The following GLI2 variants were observed in gnomAD, a reference collection of about 807,000 sequenced individuals.
The protein encoded by GLI2 is transcription activator GLI2.
Under a neutral mutation model 78.9 loss-of-function variants are expected in GLI2, and 22 were observed. The ratio of observed to expected loss-of-function variants is 0.28; its 90% confidence interval spans 0.20 to 0.40. The LOEUF is 0.40. Ranked by LOEUF, GLI2 falls within the 10% of genes least tolerant of loss-of-function variation. The probability of loss-of-function intolerance (pLI) is 1.00; values close to 1 mark genes in which losing one functional copy is unlikely to be tolerated. For missense variants in GLI2, 2,097 were observed against 2,213.2 expected (o/e 0.95, Z 1.05); for synonymous variants, 974 against 963.7 (o/e 1.01, Z -0.20).
chr2:120,842,717 G>A (rs1686945756), intron 2 of GLI2, among the ~76,000 whole-genome samples: 2 of 152,168 alleles, frequency 1.3e-5, no homozygotes, highest in African/African-American at 4.8e-5. Flanking sequence ...ATAGTTACAA[G>A]AATTTTCCTA....
At chr2:120,926,291 C>T (rs1256306894) in intron 2 of GLI2, among the ~76,000 whole-genome samples, 1 of 151,990 alleles carries the variant, frequency 6.6e-6, no homozygotes, top group African/African-American at 2.4e-5. Context: ...AATCCCAGCA[C>T]TTTGGGAGGC....
chr2:120,933,722 G>A (rs199869560), intron 3 of GLI2, among the ~76,000 whole-genome samples: 7 of 152,272 alleles, frequency 4.6e-5, no homozygotes, highest in East Asian at 3.9e-4. Flanking sequence ...GCATGAGTCC[G>A]GCCTGCCCTG....
At chr2:120,870,422 G>T (rs895993837) in intron 2 of GLI2, among the ~76,000 whole-genome samples, 1 of 152,330 alleles carries the variant, frequency 6.6e-6, no homozygotes, top group Admixed American at 6.5e-5. Flanking sequence ...GTGAGAAGCT[G>T]TAGAGATCTT....
intron 2 of GLI2, among the ~76,000 whole-genome samples, chr2:120,918,370 C>T (rs1679198768): frequency 6.6e-6 from 1 of 151,914 alleles, no homozygotes; most frequent in African/African-American, 2.4e-5. Flanking sequence ...CTTGTCACAT[C>T]TGCTCAGAGA....
intron 2 of GLI2, among the ~76,000 whole-genome samples, chr2:120,826,596 G>A (rs892661119): frequency 2.0e-5 from 3 of 152,184 alleles, no homozygotes; most frequent in Non-Finnish European, 4.4e-5. Context: ...ATGGTCTTTC[G>A]TGTCTAATCT....
chr2:120,857,415 GCCCACCCA>G (rs1328937025), intron 2 of GLI2, among the ~76,000 whole-genome samples: 1 of 29,742 alleles, frequency 3.4e-5, no homozygotes, highest in Admixed American at 4.3e-4. Context: ...CTACCCATCT[GCCCACCCA>G]CCCACCCACC....
chr2:120,915,468 G>T (rs1203892121), intron 2 of GLI2, among the ~76,000 whole-genome samples: 1 of 152,210 alleles, frequency 6.6e-6, no homozygotes, highest in African/African-American at 2.4e-5. Flanking sequence ...TGCTTCCTGT[G>T]GGGTGGTGGC....
rs184429161 is a variant in GLI2 at position 120,762,796 on chromosome 2, T to A, written c.-31+26511T>A. ...GGTCTGGCTGCCTTGGGGGCTTGGC[T>A]TCTTTCCCTTTAGTGAAGGCACAGG... On this transcript the variant is annotated intron_variant, in intron 1 of 13. Coordinates refer to ENST00000361492, the MANE Select transcript of GLI2 (RefSeq NM_001374353.1). 3.7e-3 allele frequency among the ~76,000 whole-genome samples: 557 copies of A among 152,316 alleles called. 4 individuals carry two copies. The highest frequency in any genetic ancestry group is 0.013 in the African/African-American group (535 of 41,568).
intron 1 of GLI2, among the ~76,000 whole-genome samples, chr2:120,743,799 A>G (rs1682620646): frequency 6.6e-6 from 1 of 152,186 alleles, no homozygotes. Flanking sequence ...CCCAGCTTCA[A>G]AACCCTCTGA....
chr2:120,890,364 T>C (rs1282851589), intron 2 of GLI2, among the ~76,000 whole-genome samples: 1 of 152,190 alleles, frequency 6.6e-6, no homozygotes, highest in Non-Finnish European at 1.5e-5. Context: ...CAGAACTGTT[T>C]AGTATCCTGA....
chr2:120,947,218 G>A (rs942084070), intron 3 of GLI2, among the ~76,000 whole-genome samples: 1 of 152,228 alleles, frequency 6.6e-6, no homozygotes, highest in African/African-American at 2.4e-5. Context: ...CCCTGCCAGG[G>A]CACAGGCAGG....
At chr2:120,830,029 C>T (rs944901319) in intron 2 of GLI2, among the ~76,000 whole-genome samples, 15 of 152,132 alleles carry the variant, frequency 9.9e-5, no homozygotes, top group African/African-American at 3.6e-4. Flanking sequence ...GGCTTTTGAG[C>T]AGAAGCGCCT....
At chr2:120,780,486 C>G (rs1208663858) in intron 1 of GLI2, among the ~76,000 whole-genome samples, 1 of 152,194 alleles carries the variant, frequency 6.6e-6, no homozygotes, top group South Asian at 2.1e-4. Flanking sequence ...CCAGGCAGAA[C>G]CTGTGGGAGT....
intron 2 of GLI2, among the ~76,000 whole-genome samples, chr2:120,829,892 C>T (rs143992249): frequency 1.5e-3 from 225 of 152,312 alleles, no homozygotes; most frequent in African/African-American, 5.3e-3. Context: ...AGTTCTGGTC[C>T]CTTTGAGTCA....
intron 1 of GLI2, among the ~76,000 whole-genome samples, chr2:120,776,758 G>A (rs10168167): frequency 0.028 from 4,275 of 152,312 alleles, 178 homozygotes; most frequent in African/African-American, 0.094. Flanking sequence ...CTGAGCCGGG[G>A]CAGAGGCATC....
At chr2:120,820,519 G>A (rs1244159317) in intron 2 of GLI2, among the ~76,000 whole-genome samples, 3 of 152,224 alleles carry the variant, frequency 2.0e-5, no homozygotes, top group African/African-American at 7.2e-5. Context: ...GAGGCACTCC[G>A]GGGGTGGGCT....
At chr2:120,868,464 G>C (rs911375643) in intron 2 of GLI2, among the ~76,000 whole-genome samples, 1 of 152,192 alleles carries the variant, frequency 6.6e-6, no homozygotes, top group Non-Finnish European at 1.5e-5. Context: ...ACCCAGCCCT[G>C]CCTTCTGGGC....
At chr2:120,927,909 A>G (rs1401459293) in intron 3 of GLI2, among the ~76,000 whole-genome samples, 55 of 152,204 alleles carry the variant, frequency 3.6e-4, no homozygotes. Context: ...TTAAAAGGAC[A>G]AGCTCAAAGT....
At chr2:120,743,983 C>T (rs934017124) in intron 1 of GLI2, among the ~76,000 whole-genome samples, 1 of 152,196 alleles carries the variant, frequency 6.6e-6, no homozygotes, top group Admixed American at 6.5e-5. Context: ...TAGCCAGCCG[C>T]TGTGCTCAGG....
Sources: allele counts gnomAD v4.1 joint callset (sites outside exome capture counted in the v4.1 genomes callset), GRCh38; gene constraint gnomAD v4.1.1; transcripts MANE v1.5; gene names NCBI Gene and HGNC (gene_info 2026-07-23, HGNC 2026-07-21).